Variants in ACACB observed in about 807,000 individuals in gnomAD.
ACACB encodes acetyl-CoA carboxylase beta, also known as acetyl-CoA carboxylase 2.
ACACB carries 209 observed loss-of-function variants against 278.8 expected under a neutral mutation model. That is an observed-to-expected ratio of 0.75 (90% confidence interval 0.67 to 0.84). The LOEUF (loss-of-function observed/expected upper bound fraction) is 0.84, where lower values mean the gene tolerates loss of function less well. Among genes scored for constraint, ACACB ranks in the 40% least tolerant of loss-of-function variants. The pLI is 0.00. For missense variants in ACACB, 2,850 were observed against 3,269.0 expected (o/e 0.87, Z 3.13); for synonymous variants, 1,174 against 1,285.6 (o/e 0.91, Z 1.86).
At chr12:109,191,413 C>G (rs2044877520) in intron 13 of ACACB, 200 bp from the exon 14 acceptor site, 1 of 493,140 alleles carries the variant, frequency 2.0e-6, no homozygotes, top group African/African-American at 2.0e-5. Context: ...GGGGTTTCGC[C>G]ATGTTGGCCA....
intron 46 of ACACB, among the ~76,000 whole-genome samples, chr12:109,258,675 G>T (rs1235502827): frequency 1.3e-5 from 2 of 152,230 alleles, no homozygotes; most frequent in African/African-American, 4.8e-5. Context: ...GAGCTCAGGA[G>T]TCAAGAGGGC....
chr12:109,195,936 C>T (rs781317013), intron 16 of ACACB, among the ~76,000 whole-genome samples: 11 of 152,102 alleles, frequency 7.2e-5, no homozygotes, highest in Non-Finnish European at 1.5e-4. Flanking sequence ...GGTTAGGGGT[C>T]ACCGTATCAG....
At chr12:109,191,312 C>T (rs1472911980) in intron 13 of ACACB, among the ~76,000 whole-genome samples, 34 of 151,354 alleles carry the variant, frequency 2.2e-4, no homozygotes, top group Admixed American at 2.2e-3. Flanking sequence ...CTCCCAGATT[C>T]AAGTGATTCT....
chr12:109,158,970 C>T (rs2043632781), intron 2 of ACACB, among the ~76,000 whole-genome samples: 1 of 71,390 alleles, frequency 1.4e-5, no homozygotes, highest in Non-Finnish European at 2.8e-5. Flanking sequence ...GCAAGACTCC[C>T]TTTCGAAACA....
intron 2 of ACACB, among the ~76,000 whole-genome samples, chr12:109,158,974 C>CAAAA (rs2043633215): frequency 5.2e-5 from 1 of 19,142 alleles, no homozygotes; most frequent in Middle Eastern, 0.045. Context: ...GACTCCCTTT[C>CAAAA]GAAACAAACG....
intron 10 of ACACB, 151 bp from the exon 11 acceptor site, chr12:109,179,766 T>C: frequency 1.2e-6 from 1 of 868,384 alleles, no homozygotes; most frequent in Non-Finnish European, 1.7e-6. Context: ...GCTAGGGTGA[T>C]AGGCATGAGC....
chr12:109,231,021 G>A (rs1260242696), intron 28 of ACACB, among the ~76,000 whole-genome samples: 1 of 152,178 alleles, frequency 6.6e-6, no homozygotes, highest in Non-Finnish European at 1.5e-5. Flanking sequence ...TAATGCCTCT[G>A]TAAAGGGCCA....
chr12:109,190,930 C>G (rs1276479251), intron 13 of ACACB, among the ~76,000 whole-genome samples: 1 of 152,070 alleles, frequency 6.6e-6, no homozygotes, highest in Non-Finnish European at 1.5e-5. Context: ...CTGGCTGGTT[C>G]TTTCTCTACT....
At chr12:109,214,940 A>T (rs1199492122) in intron 22 of ACACB, among the ~76,000 whole-genome samples, 1 of 152,122 alleles carries the variant, frequency 6.6e-6, no homozygotes, top group African/African-American at 2.4e-5. Flanking sequence ...TACAAAATAT[A>T]CAAAAATTAG....
intron 6 of ACACB, among the ~76,000 whole-genome samples, chr12:109,173,393 C>T (rs2044181172): frequency 6.6e-6 from 1 of 152,142 alleles, no homozygotes; most frequent in South Asian, 2.1e-4. Context: ...ACAGTCTTGC[C>T]CAAATGTGAA....
At chr12:109,265,625 AC>A in intron 52 of ACACB, 100 bp downstream of exon 52, 1 of 1,439,382 alleles carries the variant, frequency 6.9e-7, no homozygotes, top group Non-Finnish European at 9.4e-7. Flanking sequence ...TGAACCCGCC[AC>A]CCTGTGCAGT....
In ACACB at chr12:109,245,640, G is replaced by A. The variant is rs777668129; in HGVS notation, c.5193G>A (p.Leu1731=). 6.2e-7 allele frequency: 1 copy of A among 1,614,016 alleles called. No individual in the cohort carries two copies. Among genetic ancestry groups the A allele is most frequent in the South Asian group, 1.1e-5 (1 of 91,054 alleles). ...TCTCTCCCCAGGCTCTCTTTAAACTGTGGGGCTCCCCAGACAAGTATCCCA... is the reference window on the plus strand; with the variant it reads ...TCTCTCCCCAGGCTCTCTTTAAACTATGGGGCTCCCCAGACAAGTATCCCA... ...PEMFRQALFK[L]WGSPDKYPKD... Residue 1731 remains leucine, a synonymous_variant, in exon 38 of 53, where the codon CTG becomes CTA. Transcript: ENST00000338432.
intron 36 of ACACB, chr12:109,241,555 C>G (rs542139568): frequency 3.9e-5 from 16 of 413,414 alleles, no homozygotes; most frequent in Non-Finnish European, 7.2e-5. Flanking sequence ...ACCATATTGG[C>G]CAGGCTGGTC....
intron 27 of ACACB, 30 bp from the exon 28 acceptor site, chr12:109,227,341 G>A: frequency 6.3e-6 from 10 of 1,592,216 alleles, no homozygotes; most frequent in Non-Finnish European, 7.7e-6. Context: ...TGGCCCCTGA[G>A]AGAATGTCCG....
intron 1 of ACACB, among the ~76,000 whole-genome samples, chr12:109,133,654 A>T (rs1020648417): frequency 3.3e-5 from 5 of 151,908 alleles, no homozygotes; most frequent in African/African-American, 4.8e-5. Flanking sequence ...GCACACATTT[A>T]AAATTTGCCT....
At chr12:109,259,817 A>G (rs2047331836) in intron 47 of ACACB, among the ~76,000 whole-genome samples, 1 of 152,154 alleles carries the variant, frequency 6.6e-6, no homozygotes, top group African/African-American at 2.4e-5. Context: ...GCCACCAAGC[A>G]TGTTTTGGGA....
chr12:109,246,237 A>T lies in ACACB; in HGVS notation c.5360A>T (p.Asp1787Val), dbSNP rs754273647. The change falls in exon 39 of 53, where the codon GAT becomes GTT. Residue 1787 changes from aspartate (D) to valine (V), a missense_variant. Coordinates refer to ENST00000338432, the MANE Select transcript of ACACB (RefSeq NM_001093.4). ...FKTQEYPEGR[D>V]VIVIGNDITF... Reference sequence around the variant, plus strand: ...ACCCAGGAGTACCCGGAAGGACGGGATGTGATCGTCATCGGCAATGACATC... The same window carrying T: ...ACCCAGGAGTACCCGGAAGGACGGGTTGTGATCGTCATCGGCAATGACATC... 2.5e-6 allele frequency: 4 copies of T among 1,613,836 alleles called. No homozygotes were observed. Among genetic ancestry groups the T allele is most frequent in the Non-Finnish European group, 3.4e-6 (4 of 1,179,984 alleles).
At chr12:109,119,717 C>T (rs1204984753) in intron 1 of ACACB, among the ~76,000 whole-genome samples, 1 of 151,846 alleles carries the variant, frequency 6.6e-6, no homozygotes, top group Non-Finnish European at 1.5e-5. Flanking sequence ...ACCAACATGG[C>T]AAAACCCTGT....
chr12:109,189,193 G>GA (rs1183571439), intron 13 of ACACB, among the ~76,000 whole-genome samples: 12 of 152,272 alleles, frequency 7.9e-5, no homozygotes, highest in Middle Eastern at 3.4e-3. Context: ...CCTTCGGAGT[G>GA]AAAAAATCCC....
Sources: gnomAD v4.1 joint callset for allele counts (sites outside exome capture counted in the v4.1 genomes callset) on GRCh38, gnomAD v4.1.1 for gene constraint, MANE v1.5 for transcripts, NCBI Gene and HGNC (gene_info 2026-07-23, HGNC 2026-07-21) for gene names.